FBLN7: variants seen among roughly 807,000 people sequenced by gnomAD.
FBLN7 encodes fibulin-7.
A neutral mutation model predicts 44.0 loss-of-function variants in FBLN7; 31 were observed. That is an observed-to-expected ratio of 0.70 (90% confidence interval 0.53 to 0.95). The LOEUF (loss-of-function observed/expected upper bound fraction) is 0.95. Among genes scored for constraint, FBLN7 ranks in the 40% least tolerant of loss-of-function variants. The pLI, the probability that FBLN7 is intolerant of heterozygous loss-of-function variation, is 0.00. For synonymous variants in FBLN7, 262 were observed against 253.4 expected, an observed-to-expected ratio of 1.03 and a Z score of -0.32; for missense variants, 573 against 618.5, an observed-to-expected ratio of 0.93 and a Z score of 0.78.
Position 112,159,777 on chromosome 2 carries a change from G to C in FBLN7, c.177G>C (p.Lys59Asn). The C allele has an allele frequency of 2.5e-6, 4 of 1,602,542 alleles. No individual in the cohort carries two copies. Among genetic ancestry groups the C allele is most frequent in the Non-Finnish European group, 3.4e-6 (4 of 1,175,012 alleles). ...TCGCCGAGGGCATCCGCCACATGAA[G>C]AGCCGGCTGGCCGCGCTGCAGAACT... Reference protein sequence around the residue: ...TRFAEGIRHMKSRLAALQNSV... With the variant: ...TRFAEGIRHMNSRLAALQNSV... Residue 59 changes from lysine (K) to asparagine (N), a missense_variant, in exon 2 of 8, where the codon AAG (lysine) becomes AAC (asparagine). Transcript: ENST00000331203.
intron 1 of FBLN7, chr2:112,152,574 G>A (rs1681211904): frequency 6.6e-6 from 1 of 152,236 alleles, no homozygotes; most frequent in African/African-American, 2.4e-5. Context: ...AGATGTTGCT[G>A]AGAAGCGATT....
chr2:112,182,179 A>G (rs1031784639), intron 5 of FBLN7, among the ~76,000 whole-genome samples: 3 of 152,152 alleles, frequency 2.0e-5, no homozygotes, highest in Non-Finnish European at 2.9e-5. Context: ...AATCACGTCT[A>G]CGGGTGGCAA....
At chr2:112,223,358 T>C in the FBLN7 span, among the ~76,000 whole-genome samples, 2 of 151,962 alleles carry the variant, frequency 1.3e-5, no homozygotes, top group African/African-American at 4.8e-5. Flanking sequence ...AATGGACAAA[T>C]TTCTAGAAAC....
rs1377165931 is a variant in FBLN7 at position 112,165,008 on chromosome 2, C to T, written c.243C>T (p.Cys81=). The T allele has an allele frequency of 6.2e-7, 1 of 1,613,882 alleles. No individual in the cohort carries two copies. Among genetic ancestry groups the T allele is most frequent in the South Asian group, 1.1e-5 (1 of 91,032 alleles). Residue 81 remains cysteine, a synonymous_variant, in exon 3 of 8, where the codon TGC becomes TGT. Coordinates refer to ENST00000331203, the MANE Select transcript of FBLN7 (RefSeq NM_153214.3). ...TTCCATCTCTCCTTACAGTTTCCTG[C>T]CCGGCTCTGAACACCCCCGCAGACG... The part of the protein sequence containing the change: ...RVGPDALPVS[C]PALNTPADGR...
At chr2:112,205,902 T>C in the FBLN7 span, among the ~76,000 whole-genome samples, 5 of 152,214 alleles carry the variant, frequency 3.3e-5, no homozygotes, top group African/African-American at 1.2e-4. Flanking sequence ...CTAAATTAAT[T>C]TGGAGAGAAT....
chr2:112,160,848 G>GCGCA (rs1041384217), intron 2 of FBLN7, among the ~76,000 whole-genome samples: 4 of 148,152 alleles, frequency 2.7e-5, no homozygotes, highest in African/African-American at 1.0e-4. Context: ...ACGCACACGC[G>GCGCA]CACACACACA....
chr2:112,182,799 G>A lies in FBLN7; in HGVS notation c.679G>A (p.Glu227Lys), dbSNP rs776911504. 5 of 1,602,460 alleles carry A rather than the reference G, an allele frequency of 3.1e-6. No individual in the cohort carries two copies. The highest frequency in any genetic ancestry group is 3.4e-6 in the Non-Finnish European group (4 of 1,175,262). Reference sequence around the variant, plus strand: ...AGCACTTCTGTCTGCAGACGTGAACGAGTGTGAGCTCTACGGGCAGGAGGG... The same window carrying A: ...AGCACTTCTGTCTGCAGACGTGAACAAGTGTGAGCTCTACGGGCAGGAGGG... ...AGDSVCQDVN[E>K]CELYGQEGRP... Residue 227 changes from glutamate (E) to lysine (K), a missense_variant, in exon 6 of 8, where the codon GAG becomes AAG. Glu to Lys is a moderately conservative substitution (Grantham distance 56, BLOSUM62 1). Transcript: ENST00000331203.
At position 112,175,710 on chromosome 2, in the gene FBLN7, C is replaced by T. The variant is rs1441223043; in HGVS notation, c.407-4C>T. On this transcript the variant is annotated splice_polypyrimidine_tract_variant and splice_region_variant and intron_variant, in intron 3 of 7. Transcript: ENST00000331203. ...GTATATTTGAAAATTATTTATCTTC[C>T]TAGGTATCAGTGAATGCTCCAGCCA... 3 of 1,613,960 alleles carry T rather than the reference C, an allele frequency of 1.9e-6. No homozygotes were observed. The highest frequency in any genetic ancestry group is 2.2e-5 in the East Asian group (1 of 44,882).
chr2:112,140,906 G>A (rs1391649720), intron 1 of FBLN7, among the ~76,000 whole-genome samples: 1 of 152,212 alleles, frequency 6.6e-6, no homozygotes, highest in Admixed American at 6.5e-5. Context: ...TCTTGCCGTT[G>A]GCATTTGTTC....
intron 2 of FBLN7, among the ~76,000 whole-genome samples, chr2:112,163,133 C>G (rs1424424361): frequency 6.6e-6 from 1 of 152,218 alleles, no homozygotes; most frequent in Admixed American, 6.5e-5. Context: ...GGTCCGGCAC[C>G]TCCCTCCGCC....
downstream of FBLN7, among the ~76,000 whole-genome samples, chr2:112,191,408 T>G (rs1312222868): frequency 6.6e-6 from 1 of 152,186 alleles, no homozygotes; most frequent in African/African-American, 2.4e-5. Context: ...ACTCCTGTCC[T>G]CAAGTGGTCT....
chr2:112,242,384 A>G, the FBLN7 span, among the ~76,000 whole-genome samples: 1 of 152,236 alleles, frequency 6.6e-6, no homozygotes, highest in Admixed American at 6.5e-5. Context: ...TCATTTATAT[A>G]TTATATGGCC....
chr2:112,182,707 A>T (rs1683064001), intron 5 of FBLN7, 84 bp from the exon 6 acceptor site: 3 of 1,481,266 alleles, frequency 2.0e-6, no homozygotes, highest in Non-Finnish European at 1.8e-6. Context: ...TGCCTCCAGG[A>T]ATTGAAGCAT....
At chr2:112,212,716 T>C in the FBLN7 span, 5 of 152,210 alleles carry the variant, frequency 3.3e-5, no homozygotes, top group Non-Finnish European at 7.3e-5. Flanking sequence ...CTTGAAATCT[T>C]AAGACAGCTG....
the FBLN7 span, among the ~76,000 whole-genome samples, chr2:112,239,777 G>T: frequency 6.6e-6 from 1 of 151,956 alleles, no homozygotes; most frequent in Non-Finnish European, 1.5e-5. Context: ...TAGAGACAGG[G>T]TTTCACCCTA....
In FBLN7 at chr2:112,187,692, A is replaced by G. The variant is rs1683341164; in HGVS notation, c.*186A>G. 1.5e-6 allele frequency: 1 copy of G among 673,142 alleles called. No homozygotes were observed. Among genetic ancestry groups the G allele is most frequent in the Non-Finnish European group, 2.4e-6 (1 of 413,076 alleles). 41.7% of individuals were successfully genotyped at this position (673,142 alleles called of 1,614,324 possible). Reference sequence around the variant, plus strand: ...CACGGAAGAGCAGCCACAAAACTCAACTGCTGCCATCACTCTTTTTTTTTT... The same window carrying G: ...CACGGAAGAGCAGCCACAAAACTCAGCTGCTGCCATCACTCTTTTTTTTTT... On this transcript the variant is annotated 3_prime_UTR_variant, in exon 8 of 8. Coordinates refer to ENST00000331203, the MANE Select transcript of FBLN7 (RefSeq NM_153214.3). The surrounding 1 kb of genome is among the most constrained non-coding windows in gnomAD (Gnocchi z 5.1).
rs1331730769 is a variant in FBLN7 at position 112,187,718 on chromosome 2, T to TC, written c.*213dup. 8 of 621,100 alleles carry TC rather than the reference T, an allele frequency of 1.3e-5. No homozygotes were observed. The highest frequency in any genetic ancestry group is 6.4e-5 in the Admixed American group (2 of 31,482). The allele number at this position is 621,100 out of a possible 1,614,324, so 38.5% of individuals were successfully genotyped here. The stretch of plus-strand genomic sequence containing the variant: ...CTGCTGCCATCACTCTTTTTTTTTT[T>TC]CTGCTTTGAGGCCCTTCCCTTAGAT... On this transcript the variant is annotated 3_prime_UTR_variant, in exon 8 of 8. Transcript: ENST00000331203. This position sits in a 1 kb window ranked among gnomAD's most constrained non-coding sequence, Gnocchi z 5.1.
At chr2:112,171,545 A>G (rs1398884017) in intron 3 of FBLN7, among the ~76,000 whole-genome samples, 2 of 152,124 alleles carry the variant, frequency 1.3e-5, no homozygotes, top group African/African-American at 4.8e-5. Context: ...TTTTAAATAT[A>G]TAGTAGACAC....
intron 1 of FBLN7, among the ~76,000 whole-genome samples, chr2:112,154,391 C>T (rs945556777): frequency 6.6e-6 from 1 of 152,324 alleles, no homozygotes. Flanking sequence ...AGTGAGGACC[C>T]AGACATGGCA....
Sources: allele counts gnomAD v4.1 joint callset (sites outside exome capture counted in the v4.1 genomes callset), GRCh38; gene constraint gnomAD v4.1.1; non-coding constraint Gnocchi (gnomAD v3.1); transcripts MANE v1.5; gene names NCBI Gene and HGNC (gene_info 2026-07-23, HGNC 2026-07-21).